The following UNC13A variants were observed in gnomAD, a reference collection of about 807,000 sequenced individuals.
The protein encoded by UNC13A is protein unc-13 homolog A.
Under a neutral mutation model 219.7 loss-of-function variants are expected in UNC13A, and 61 were observed. That is an observed-to-expected ratio of 0.28 (90% CI 0.23 to 0.34). The LOEUF (loss-of-function observed/expected upper bound fraction) is 0.34, where lower values mean the gene tolerates loss of function less well. Among genes scored for constraint, UNC13A ranks in the 10% least tolerant of loss-of-function variants. UNC13A has a pLI of 1.00. For missense variants in UNC13A, 1,476 were observed against 2,270.3 expected (o/e 0.65, Z 7.11); for synonymous variants, 920 against 884.6 (o/e 1.04, Z -0.71).
chr19:17,616,446 G>C (rs1357038234), intron 41 of UNC13A: 1 of 607,732 alleles, frequency 1.6e-6, no homozygotes, highest in African/African-American at 1.9e-5. Flanking sequence ...GGTAAACCTA[G>C]TACCTTTTCC....
intron 29 of UNC13A, 116 bp downstream of exon 29, chr19:17,630,538 G>A (rs1046443940): frequency 1.2e-4 from 152 of 1,251,342 alleles, no homozygotes; most frequent in Non-Finnish European, 1.7e-4. Context: ...AAAACCATGA[G>A]CAAGACAAAG....
At chr19:17,628,275 T>G in intron 31 of UNC13A, 1 of 336,498 alleles carries the variant, frequency 3.0e-6, no homozygotes, top group South Asian at 4.1e-5. Context: ...CCCTGAAGGC[T>G]TCATTTGCAA....
chr19:17,639,279 C>T, intron 24 of UNC13A, 62 bp from the exon 25 acceptor site: 1 of 1,605,556 alleles, frequency 6.2e-7, no homozygotes, highest in Non-Finnish European at 8.5e-7. Context: ...CAGGAAGTGA[C>T]TGCGAGTCAT....
chr19:17,640,617 G>A lies in UNC13A; in HGVS notation c.2681C>T (p.Pro894Leu). Residue 894 changes from proline to leucine, a missense_variant, in exon 22 of 44, where the codon CCT becomes CTT. Pro to Leu is a moderately conservative substitution (Grantham distance 98). This residue lies in a region of UNC13A where 140 missense variants were observed against 270.9 expected (regional missense o/e 0.52). Coordinates refer to ENST00000519716, the MANE Select transcript of UNC13A (RefSeq NM_001080421.3). ...GGCGAGCAGGGTGCTCATGACGGCA[G>A]GCACCCCTGGGCACATATACTTGGA... ...LSSKYMCPGV[P>L]AVMSTLLANI... The A allele has an allele frequency of 1.3e-6, 2 of 1,589,982 alleles. No homozygotes were observed. The highest frequency in any genetic ancestry group is 1.7e-6 in the Non-Finnish European group (2 of 1,168,982).
rs780277844 is a variant in UNC13A at position 17,674,797 on chromosome 19, A to T, written c.53-41T>A. On this transcript the variant is annotated intron_variant, in intron 2 of 43. Transcript: ENST00000519716. The surrounding 1 kb of genome is among the most constrained non-coding windows in gnomAD (Gnocchi z 5.0). ...TAGGGGTCAGCGCTGGGGCTCAGGG[A>T]CTCTCCAATGCCCCTTCCCAAGCTC... The T allele has an allele frequency of 6.6e-7, 1 of 1,523,766 alleles. No homozygotes were observed. The highest frequency in any genetic ancestry group is 1.7e-5 in the Admixed American group (1 of 59,722). The allele number at this position is 1,523,766 out of a possible 1,614,324, so 94.4% of individuals were successfully genotyped here.
Position 17,624,964 on chromosome 19 carries a change from G to A in UNC13A, c.4074-12C>T, listed in dbSNP as rs1341628990. The A allele has an allele frequency of 1.2e-6, 2 of 1,611,168 alleles. No individual in the cohort carries two copies. Among genetic ancestry groups the A allele is most frequent in the Admixed American group, 1.7e-5 (1 of 59,756 alleles). ...CAAAGAGGGTCAGGCTGGGGACGAG[G>A]GGCAGGTCTGAGAGAGGGCCCAGCT... On this transcript the variant is annotated splice_polypyrimidine_tract_variant and intron_variant, in intron 34 of 43. Transcript: ENST00000519716.
intron 1 of UNC13A, among the ~76,000 whole-genome samples, chr19:17,681,028 T>C (rs2080006063): frequency 1.3e-5 from 2 of 148,426 alleles, no homozygotes; most frequent in South Asian, 4.3e-4. Context: ...GCCTCTCGAG[T>C]AGCTGAGACT....
chr19:17,609,768 T>C (rs1261437134), intron 43 of UNC13A, among the ~76,000 whole-genome samples, 172 bp downstream of exon 43: 2 of 152,294 alleles, frequency 1.3e-5, no homozygotes, highest in African/African-American at 4.8e-5. Context: ...CCCTCCCTGA[T>C]GTCATTCCTG....
At chr19:17,660,361 C>G (rs1315963929) in intron 8 of UNC13A, among the ~76,000 whole-genome samples, 1 of 151,980 alleles carries the variant, frequency 6.6e-6, no homozygotes, top group African/African-American at 2.4e-5. Flanking sequence ...TTTGCCCAGG[C>G]TCTGCTTTCT....
intron 12 of UNC13A, among the ~76,000 whole-genome samples, chr19:17,650,450 T>C (rs535086203): frequency 6.6e-6 from 1 of 151,788 alleles, no homozygotes; most frequent in Admixed American, 6.6e-5. Context: ...GAGGCAGAGG[T>C]TGCAGTGAGT....
chr19:17,661,693 CA>C (rs912658605), intron 8 of UNC13A, among the ~76,000 whole-genome samples: 6 of 149,952 alleles, frequency 4.0e-5, no homozygotes, highest in African/African-American at 1.5e-4. Context: ...GACTCCATCT[CA>C]AAAAAAAGAA....
intron 8 of UNC13A, among the ~76,000 whole-genome samples, chr19:17,662,207 A>G (rs2079562542): frequency 6.6e-6 from 1 of 151,244 alleles, no homozygotes; most frequent in South Asian, 2.1e-4. Flanking sequence ...GCGCCACTGT[A>G]CTCCATCCAG....
intron 1 of UNC13A, among the ~76,000 whole-genome samples, chr19:17,681,464 G>A (rs2080016936): frequency 6.6e-6 from 1 of 152,162 alleles, no homozygotes; most frequent in African/African-American, 2.4e-5. Context: ...GACCTCAGCT[G>A]TGCTGGTTTC....
chr19:17,666,165 T>G (rs928079603), intron 7 of UNC13A, among the ~76,000 whole-genome samples: 1 of 76,720 alleles, frequency 1.3e-5, no homozygotes, highest in African/African-American at 5.0e-5. Context: ...TCTCCTTCCT[T>G]CCTTTCTTTC....
At chr19:17,668,746 C>T (rs1285081982) in intron 5 of UNC13A, among the ~76,000 whole-genome samples, 3 of 152,152 alleles carry the variant, frequency 2.0e-5, no homozygotes, top group African/African-American at 7.2e-5. Flanking sequence ...GCCTCGGCCT[C>T]TCAAAGTGCT....
At chr19:17,606,426 C>T (rs368699040) in intron 43 of UNC13A, 72 bp from the exon 44 acceptor site, 4 of 1,505,272 alleles carry the variant, frequency 2.7e-6, no homozygotes, top group East Asian at 2.5e-5. Context: ...CCCGTCCCCA[C>T]CGCATTTGCG....
At chr19:17,636,225 T>C in intron 25 of UNC13A, 68 bp from the exon 26 acceptor site, 2 of 1,487,888 alleles carry the variant, frequency 1.3e-6, no homozygotes, top group South Asian at 2.6e-5. Flanking sequence ...AGTTTATTAC[T>C]GAAGAACAAG....
chr19:17,633,673 C>G (rs1385799646), intron 26 of UNC13A, among the ~76,000 whole-genome samples: 1 of 152,050 alleles, frequency 6.6e-6, no homozygotes, highest in Non-Finnish European at 1.5e-5. Flanking sequence ...ATCCCTCTAT[C>G]CATTCATTCA....
At position 17,655,300 on chromosome 19, in the gene UNC13A, T is replaced by C. The variant is rs1555782432; in HGVS notation, c.1366A>G (p.Asn456Asp). 2 of 1,585,628 alleles carry C rather than the reference T, an allele frequency of 1.3e-6. No homozygotes were observed. The highest frequency in any genetic ancestry group is 1.7e-6 in the Non-Finnish European group (2 of 1,167,168). Residue 456 changes from asparagine to aspartate, a missense_variant, in exon 11 of 44, where the codon AAC becomes GAC. Asn to Asp is a conservative substitution (Grantham distance 23, BLOSUM62 1). This residue lies in a region of UNC13A where 351 missense variants were observed against 342.6 expected (regional missense o/e 1.02). Transcript: ENST00000519716. ...TCCTGCAGCTGCATCCGCACCTTGT[T>C]GAAGGCACGCAGCCAGTTGGCCTTG... is the stretch of plus-strand genomic sequence containing the variant. ...RAKANWLRAF[N>D]KVRMQLQEAR...
Sources: gnomAD v4.1 joint callset for allele counts (sites outside exome capture counted in the v4.1 genomes callset) on GRCh38, gnomAD v4.1.1 for gene constraint, gnomAD v4.1.1 regional missense constraint, Gnocchi (gnomAD v3.1) non-coding constraint, MANE v1.5 for transcripts, NCBI Gene and HGNC (gene_info 2026-07-23, HGNC 2026-07-21) for gene names.